GPR39: variants seen among roughly 807,000 people sequenced by gnomAD.
The protein encoded by GPR39 is G protein-coupled receptor 39.
A neutral mutation model predicts 18.4 loss-of-function variants in GPR39; 23 were observed. The ratio of observed to expected loss-of-function variants is 1.25; its 90% confidence interval spans 0.90 to 1.77. The LOEUF (loss-of-function observed/expected upper bound fraction) is 1.77. GPR39 is among the 40% of genes most tolerant of loss of function. The pLI is 0.00. For synonymous variants in GPR39, 280 were observed against 257.9 expected (o/e 1.09, Z -0.82); for missense variants, 647 against 602.4 (o/e 1.07, Z -0.78).
rs540142381 is a variant in GPR39 at position 132,587,561 on chromosome 2, T to C, written c.857-57540T>C. 2.2e-4 allele frequency among the ~76,000 whole-genome samples: 33 copies of C among 152,340 alleles called. No individual in the cohort carries two copies. In the South Asian group the frequency reaches 6.8e-3, roughly 32 times the overall value. On this transcript the variant is annotated intron_variant, in intron 1 of 1. Transcript: ENST00000329321. ...TTTTCTTTTCTTTTGAGATGGAGTC[T>C]TGCTCTATCGGCCAGGCTGGAATGC...
At chr2:132,536,684 A>G (rs1269075776) in intron 1 of GPR39, among the ~76,000 whole-genome samples, 1 of 152,152 alleles carries the variant, frequency 6.6e-6, no homozygotes, top group Non-Finnish European at 1.5e-5. Flanking sequence ...GTCTTCCACT[A>G]TTATCGTGTG....
intron 1 of GPR39, among the ~76,000 whole-genome samples, chr2:132,569,628 TGGGGGTGGG>T (rs1334000171): frequency 4.1e-5 from 3 of 73,318 alleles, no homozygotes; most frequent in Non-Finnish European, 8.3e-5. Context: ...GGTGGGGCAG[TGGGGGTGGG>T]GGGGGTCCCA....
intron 1 of GPR39, among the ~76,000 whole-genome samples, chr2:132,492,702 A>ATATATACACACCATATATATACC (rs1681510475): frequency 7.1e-6 from 1 of 140,036 alleles, no homozygotes; most frequent in African/African-American, 2.7e-5. Context: ...ATATATATAT[A>ATATATACACACCATATATATACC]ATATATATAC....
chr2:132,617,965 T>C (rs1475739911), intron 1 of GPR39, among the ~76,000 whole-genome samples: 2 of 152,224 alleles, frequency 1.3e-5, no homozygotes, highest in Admixed American at 1.3e-4. Context: ...GGCTGTGGCC[T>C]GTTGCTTCCC....
At chr2:132,623,344 G>A (rs1445884130) in intron 1 of GPR39, among the ~76,000 whole-genome samples, 2 of 152,118 alleles carry the variant, frequency 1.3e-5, no homozygotes, top group African/African-American at 2.4e-5. Context: ...CCACGCTCCT[G>A]ATACCGTTGA....
chr2:132,456,915 T>C (rs1038226004), intron 1 of GPR39, among the ~76,000 whole-genome samples: 2 of 152,216 alleles, frequency 1.3e-5, no homozygotes, highest in African/African-American at 4.8e-5. Context: ...CTTAACACTT[T>C]TTCTTTCATT....
At chr2:132,464,512 T>C (rs545331431) in intron 1 of GPR39, among the ~76,000 whole-genome samples, 4 of 152,324 alleles carry the variant, frequency 2.6e-5, no homozygotes, top group Admixed American at 2.0e-4. Context: ...TTTAGACAAA[T>C]GGTATCCATG....
chr2:132,447,687 AT>A (rs1300886059), intron 1 of GPR39, among the ~76,000 whole-genome samples: 1 of 152,228 alleles, frequency 6.6e-6, no homozygotes, highest in Non-Finnish European at 1.5e-5. Flanking sequence ...TTTTAGCAAA[AT>A]TGGAGCAATT....
chr2:132,530,485 A>C (rs906188912), intron 1 of GPR39, among the ~76,000 whole-genome samples: 1 of 152,194 alleles, frequency 6.6e-6, no homozygotes. Context: ...CCAACATTCA[A>C]ATTCAGGAAA....
Position 132,646,283 on chromosome 2 carries a change from G to A in GPR39, c.*677G>A. The A allele has an allele frequency of 6.7e-7, 1 of 1,487,278 alleles. No homozygotes were observed. The highest frequency in any genetic ancestry group is 9.0e-7 in the Non-Finnish European group (1 of 1,111,968). 92.1% of individuals were successfully genotyped at this position (1,487,278 alleles called of 1,614,324 possible). On this transcript the variant is annotated 3_prime_UTR_variant, in exon 2 of 2. Transcript: ENST00000329321. ...ACAGGACTTGCGGTACATGATCCCT[G>A]TAACACAGACCCAAAGGAGCTGAGT...
intron 1 of GPR39, among the ~76,000 whole-genome samples, chr2:132,529,166 C>T (rs929760777): frequency 3.9e-5 from 6 of 152,176 alleles, no homozygotes; most frequent in East Asian, 1.9e-4. Context: ...CCTAATACTG[C>T]GCTTTTCCAA....
At chr2:132,496,832 A>T (rs923404037) in intron 1 of GPR39, among the ~76,000 whole-genome samples, 1 of 152,176 alleles carries the variant, frequency 6.6e-6, no homozygotes, top group Non-Finnish European at 1.5e-5. Flanking sequence ...GCCTTGATGC[A>T]TCGGATTAGG....
At chr2:132,484,073 T>C (rs150285078) in intron 1 of GPR39, among the ~76,000 whole-genome samples, 2 of 152,348 alleles carry the variant, frequency 1.3e-5, no homozygotes, top group African/African-American at 4.8e-5. Flanking sequence ...CCTGTGTTAA[T>C]GACCCATCTT....
At chr2:132,635,713 C>T (rs1681741174) in intron 1 of GPR39, among the ~76,000 whole-genome samples, 1 of 152,164 alleles carries the variant, frequency 6.6e-6, no homozygotes, top group Non-Finnish European at 1.5e-5. Context: ...AACTGTGTCC[C>T]TCTCAAGTCA....
intron 1 of GPR39, among the ~76,000 whole-genome samples, chr2:132,556,601 C>T (rs1680156776): frequency 6.6e-6 from 1 of 152,150 alleles, no homozygotes; most frequent in African/African-American, 2.4e-5. Flanking sequence ...TGATTTTCTT[C>T]CTACCTGGAG....
intron 1 of GPR39, among the ~76,000 whole-genome samples, chr2:132,512,947 T>G (rs1320858419): frequency 6.6e-6 from 1 of 152,178 alleles, no homozygotes; most frequent in African/African-American, 2.4e-5. Flanking sequence ...AAGCACCCAT[T>G]ATTTTGTTAT....
At chr2:132,464,792 A>G (rs1680897720) in intron 1 of GPR39, among the ~76,000 whole-genome samples, 1 of 152,218 alleles carries the variant, frequency 6.6e-6, no homozygotes, top group Non-Finnish European at 1.5e-5. Context: ...GAGTCCCACT[A>G]GTCCTTCTAG....
intron 1 of GPR39, among the ~76,000 whole-genome samples, chr2:132,586,561 G>A: frequency 6.6e-6 from 1 of 152,198 alleles, no homozygotes; most frequent in Admixed American, 6.5e-5. Context: ...CATCAATTTA[G>A]CAACATCAAC....
At chr2:132,585,053 G>A (rs889126788) in intron 1 of GPR39, among the ~76,000 whole-genome samples, 1 of 152,170 alleles carries the variant, frequency 6.6e-6, no homozygotes, top group Admixed American at 6.5e-5. Flanking sequence ...TACACCAAAT[G>A]TTTTTGCACT....
Sources: gnomAD v4.1 joint callset for allele counts (sites outside exome capture counted in the v4.1 genomes callset) on GRCh38, gnomAD v4.1.1 for gene constraint, MANE v1.5 for transcripts, NCBI Gene and HGNC (gene_info 2026-07-23, HGNC 2026-07-21) for gene names.